Variants in PLS1 observed in about 807,000 individuals in gnomAD.
PLS1 encodes plastin-1.
Under a neutral mutation model 73.7 loss-of-function variants are expected in PLS1, and 32 were observed. The observed-to-expected ratio is 0.43, with a 90% CI of 0.33 to 0.58. PLS1 has a LOEUF of 0.58. PLS1 is among the 20% of genes least tolerant of loss of function. The pLI, the probability that PLS1 is intolerant of heterozygous loss-of-function variation, is 0.04. For missense variants in PLS1, 633 were observed against 740.5 expected (o/e 0.85, Z 1.68); for synonymous variants, 217 against 261.3 (o/e 0.83, Z 1.63).
intron 12 of PLS1, among the ~76,000 whole-genome samples, chr3:142,699,191 G>T (rs1461069772): frequency 6.6e-6 from 1 of 152,134 alleles, no homozygotes; most frequent in East Asian, 1.9e-4. Flanking sequence ...CAGGTGCAGT[G>T]GCTCACACCT....
At chr3:142,708,685 C>T (rs969864838) in intron 14 of PLS1, among the ~76,000 whole-genome samples, 4 of 151,948 alleles carry the variant, frequency 2.6e-5, no homozygotes, top group Admixed American at 6.6e-5. Flanking sequence ...TTCTTTTTGC[C>T]GAAGTCATTT....
At chr3:142,616,857 CT>C (rs1185270889) in intron 1 of PLS1, among the ~76,000 whole-genome samples, 1 of 152,184 alleles carries the variant, frequency 6.6e-6, no homozygotes, top group African/African-American at 2.4e-5. Flanking sequence ...CAGCCCAGGC[CT>C]CCCAAGGTGC....
rs11714087 is a variant in PLS1 at position 142,686,506 on chromosome 3, T to C, written c.981+130T>C. The stretch of plus-strand genomic sequence containing the variant: ...TTGCATTGTTGTGCAGCTATCACCA[T>C]TATCCATCTCTACAAACTTTTCATC... On this transcript the variant is annotated intron_variant, in intron 9 of 15. Coordinates refer to ENST00000457734, the MANE Select transcript of PLS1 (RefSeq NM_001145319.2). 71,267 of 641,056 alleles carry C rather than the reference T, an allele frequency of 0.11. 4,140 individuals carry two copies. The highest frequency in any genetic ancestry group is 0.12 in the Non-Finnish European group (43,862 of 358,700). 39.7% of individuals were successfully genotyped at this position (641,056 alleles called of 1,614,324 possible).
intron 1 of PLS1, among the ~76,000 whole-genome samples, chr3:142,618,888 T>C (rs2049327): frequency 1 from 152,281 of 152,284 alleles, 76,139 homozygotes; most frequent in Middle Eastern, 1. Context: ...TGCAAAAATC[T>C]GTTTTGCCAT....
At chr3:142,611,820 C>T (rs983983353) in intron 1 of PLS1, among the ~76,000 whole-genome samples, 1 of 152,016 alleles carries the variant, frequency 6.6e-6, no homozygotes, top group Non-Finnish European at 1.5e-5. Context: ...ATATATTAGG[C>T]CTTTTTCTAA....
At chr3:142,617,304 T>C (rs899619344) in intron 1 of PLS1, among the ~76,000 whole-genome samples, 1 of 152,148 alleles carries the variant, frequency 6.6e-6, no homozygotes, top group Non-Finnish European at 1.5e-5. Context: ...CCATTAAATG[T>C]TTAGTCTTTC....
intron 1 of PLS1, among the ~76,000 whole-genome samples, chr3:142,602,107 G>GTTT (rs11422433): frequency 1.6e-4 from 23 of 144,486 alleles, no homozygotes; most frequent in African/African-American, 3.8e-4. Context: ...AATCGTTCCG[G>GTTT]TTTTTTTTTT....
At chr3:142,629,973 A>T (rs1450359548) in intron 1 of PLS1, among the ~76,000 whole-genome samples, 1 of 152,224 alleles carries the variant, frequency 6.6e-6, no homozygotes, top group Non-Finnish European at 1.5e-5. Flanking sequence ...GTTGAGAATC[A>T]GAGCCCTAAA....
intron 9 of PLS1, among the ~76,000 whole-genome samples, chr3:142,687,350 C>G (rs1251403526): frequency 6.6e-6 from 1 of 152,068 alleles, no homozygotes; most frequent in Non-Finnish European, 1.5e-5. Flanking sequence ...AACTTGAATT[C>G]TAAACATTAA....
At chr3:142,695,936 A>G (rs564377713) in intron 11 of PLS1, among the ~76,000 whole-genome samples, 326 of 152,218 alleles carry the variant, frequency 2.1e-3, no homozygotes, top group African/African-American at 7.4e-3. Context: ...CTGGGATTAC[A>G]GGCATGTGCC....
intron 1 of PLS1, among the ~76,000 whole-genome samples, chr3:142,625,191 A>G (rs1283810673): frequency 6.6e-6 from 1 of 152,152 alleles, no homozygotes; most frequent in African/African-American, 2.4e-5. Flanking sequence ...TTAGGGATAA[A>G]CTGCAGAAAC....
intron 2 of PLS1, among the ~76,000 whole-genome samples, chr3:142,665,120 C>T (rs1041681698): frequency 3.3e-5 from 5 of 151,904 alleles, no homozygotes; most frequent in African/African-American, 1.2e-4. Context: ...ATAGAGCCCT[C>T]CATGAAAAAC....
At chr3:142,671,172 A>C in intron 4 of PLS1, 50 bp downstream of exon 4, 1 of 1,499,820 alleles carries the variant, frequency 6.7e-7, no homozygotes, top group Non-Finnish European at 9.3e-7. Flanking sequence ...TCATTGATTA[A>C]GTGACATATT....
chr3:142,683,971 C>T (rs753230305), intron 6 of PLS1, 35 bp from the exon 7 acceptor site: 10 of 1,531,542 alleles, frequency 6.5e-6, no homozygotes, highest in Non-Finnish European at 8.9e-6. Flanking sequence ...TTAGAAAGGA[C>T]TTCCTCATGT....
In PLS1 at chr3:142,606,245, G is replaced by A. The variant is rs544345408; in HGVS notation, c.-37+9736G>A. On this transcript the variant is annotated intron_variant, in intron 1 of 15. Transcript: ENST00000457734. ...GCATGTTGCTCATTTAATCTAGAAA[G>A]GATACCAAGATTCATTTAGAACTTC... Among the ~76,000 whole-genome samples the A allele has an allele frequency of 2.0e-5, 3 of 152,292 alleles. No individual in the cohort carries two copies. In the South Asian group the frequency reaches 6.2e-4, roughly 32 times the overall value.
At chr3:142,677,007 T>G (rs1330728760) in intron 5 of PLS1, among the ~76,000 whole-genome samples, 1 of 152,214 alleles carries the variant, frequency 6.6e-6, no homozygotes, top group Non-Finnish European at 1.5e-5. Flanking sequence ...TATTAGATTT[T>G]ATGACATTAA....
chr3:142,704,448 T>C lies in PLS1; in HGVS notation c.1506-15T>C. The C allele has an allele frequency of 6.3e-7, 1 of 1,592,570 alleles. No individual in the cohort carries two copies. On this transcript the variant is annotated splice_polypyrimidine_tract_variant and intron_variant, in intron 13 of 15. Coordinates refer to ENST00000457734, the MANE Select transcript of PLS1 (RefSeq NM_001145319.2). ...CACCCTTTTCAGTCTCAAATATACA[T>C]CTTTTCTGTTGCAGGTACACATTGA...
chr3:142,605,131 C>T (rs2035996293), intron 1 of PLS1, among the ~76,000 whole-genome samples: 1 of 152,014 alleles, frequency 6.6e-6, no homozygotes, highest in South Asian at 2.1e-4. Context: ...AGAAGGAAGG[C>T]CTTCTCTTCA....
intron 1 of PLS1, among the ~76,000 whole-genome samples, chr3:142,651,011 C>T (rs2037075977): frequency 6.6e-6 from 1 of 152,096 alleles, no homozygotes; most frequent in African/African-American, 2.4e-5. Context: ...ATTGGAAATG[C>T]CCCTTATTGG....
Sources: allele counts gnomAD v4.1 joint callset (sites outside exome capture counted in the v4.1 genomes callset), GRCh38; gene constraint gnomAD v4.1.1; transcripts MANE v1.5; gene names NCBI Gene and HGNC (gene_info 2026-07-23, HGNC 2026-07-21).